UBR4: variants seen among roughly 807,000 people sequenced by gnomAD.
The protein encoded by UBR4 is E3 ubiquitin-protein ligase UBR4.
Under a neutral mutation model 575.6 loss-of-function variants are expected in UBR4, and 124 were observed. The observed-to-expected ratio is 0.22, with a 90% CI of 0.19 to 0.25. UBR4 has a LOEUF of 0.25. Ranked by LOEUF, UBR4 falls within the 10% of genes least tolerant of loss-of-function variation. UBR4 has a pLI of 1.00. For synonymous variants in UBR4, 2,455 were observed against 2,473.7 expected (o/e 0.99, Z 0.22); for missense variants, 4,818 against 6,478.8 (o/e 0.74, Z 8.80).
At position 19,140,903 on chromosome 1, in the gene UBR4, A is replaced by G. The variant is rs2083832111; in HGVS notation, c.8489-11T>C. On this transcript the variant is annotated splice_polypyrimidine_tract_variant and intron_variant, in intron 57 of 105. Coordinates refer to ENST00000375254, the MANE Select transcript of UBR4 (RefSeq NM_020765.3). ...CACTGCTGCTGCTGCCTGGGAAACAAGTGGAGAGTGAGCACAACATCCCCT... is the reference window on the plus strand; with the variant it reads ...CACTGCTGCTGCTGCCTGGGAAACAGGTGGAGAGTGAGCACAACATCCCCT... 1 of 1,599,136 alleles carries G rather than the reference A, an allele frequency of 6.3e-7. No individual in the cohort carries two copies. Among genetic ancestry groups the G allele is most frequent in the East Asian group, 2.2e-5 (1 of 44,484 alleles).
chr1:19,148,498 C>T (rs746905231), intron 50 of UBR4, 65 bp downstream of exon 50: 43 of 1,596,198 alleles, frequency 2.7e-5, no homozygotes, highest in African/African-American at 4.0e-5. Flanking sequence ...CTCAGGGCCT[C>T]GGGCAACTCC....
At chr1:19,144,255 G>C (rs2296109) in intron 54 of UBR4, among the ~76,000 whole-genome samples, 164 bp from the exon 55 acceptor site, 99,116 of 152,072 alleles carry the variant, frequency 0.65, 33,144 homozygotes, top group East Asian at 0.8. Flanking sequence ...GTTAATCCCC[G>C]CTTCCTGTTC....
intron 93 of UBR4, 152 bp from the exon 94 acceptor site, chr1:19,095,177 C>G: frequency 3.3e-6 from 4 of 1,218,316 alleles, no homozygotes; most frequent in Non-Finnish European, 3.4e-6. Context: ...TATGCATGTT[C>G]TGAGAGGGAG....
intron 103 of UBR4, 142 bp from the exon 104 acceptor site, chr1:19,078,208 A>G: frequency 1.2e-6 from 1 of 810,414 alleles, no homozygotes. Context: ...CTGCTTGGAA[A>G]AAAGCAGCTG....
At chr1:19,170,737 C>T in intron 26 of UBR4, 25 bp downstream of exon 26, 1 of 1,614,114 alleles carries the variant, frequency 6.2e-7, no homozygotes, top group African/African-American at 1.3e-5. Flanking sequence ...AATAATATTA[C>T]TCAAAAGCAC....
chr1:19,086,316 T>C (rs756066212), intron 100 of UBR4, 46 bp from the exon 101 acceptor site: 2 of 915,670 alleles, frequency 2.2e-6, no homozygotes, highest in Non-Finnish European at 2.9e-6. Flanking sequence ...GGCATTAACG[T>C]GGCAACCAGG....
chr1:19,206,551 G>T (rs892946703), intron 1 of UBR4, among the ~76,000 whole-genome samples: 5 of 152,090 alleles, frequency 3.3e-5, no homozygotes, highest in Non-Finnish European at 7.3e-5. Flanking sequence ...AGCCAGGCTG[G>T]TCTCAAACTC....
chr1:19,084,916 C>T (rs2313506), intron 101 of UBR4, among the ~76,000 whole-genome samples: 12,838 of 152,156 alleles, frequency 0.084, 649 homozygotes, highest in Non-Finnish European at 0.12. Context: ...ACGTGACACT[C>T]GCCAAGTTTT....
chr1:19,120,492 T>G, intron 68 of UBR4, 144 bp from the exon 69 acceptor site: 1 of 1,051,528 alleles, frequency 9.5e-7, no homozygotes. Flanking sequence ...GCAAAACAAT[T>G]TTTAGTTGTT....
At chr1:19,083,720 G>C (rs888640135) in intron 102 of UBR4, among the ~76,000 whole-genome samples, 3 of 152,106 alleles carry the variant, frequency 2.0e-5, no homozygotes, top group Non-Finnish European at 4.4e-5. Flanking sequence ...TTTTCATTAA[G>C]ACAGAGTCTT....
chr1:19,078,224 A>C, intron 103 of UBR4, 158 bp from the exon 104 acceptor site: 1 of 673,362 alleles, frequency 1.5e-6, no homozygotes, highest in Non-Finnish European at 2.5e-6. Context: ...AGCTGTGGGC[A>C]AGAACCTCTG....
chr1:19,161,452 G>T, intron 37 of UBR4, 137 bp downstream of exon 37: 1 of 1,211,110 alleles, frequency 8.3e-7, no homozygotes, highest in Non-Finnish European at 1.2e-6. Flanking sequence ...CCACAACTGT[G>T]CAGATCATCG....
intron 63 of UBR4, 94 bp downstream of exon 63, chr1:19,127,529 T>G (rs1435868718): frequency 1.1e-6 from 1 of 935,258 alleles, no homozygotes; most frequent in East Asian, 2.4e-5. Flanking sequence ...ATGGCTTTAT[T>G]CTTACAGAGG....
intron 92 of UBR4, among the ~76,000 whole-genome samples, 197 bp downstream of exon 92, chr1:19,096,326 G>C (rs976856461): frequency 6.6e-6 from 1 of 152,180 alleles, no homozygotes; most frequent in Non-Finnish European, 1.5e-5. Context: ...ATTGGAGAAG[G>C]GAAGTGGGCC....
intron 26 of UBR4, 151 bp downstream of exon 26, chr1:19,170,611 G>A: frequency 9.5e-7 from 1 of 1,055,250 alleles, no homozygotes. Flanking sequence ...TTATTGTGAA[G>A]ATCAAAATAG....
intron 50 of UBR4, among the ~76,000 whole-genome samples, 170 bp downstream of exon 50, chr1:19,148,393 C>T (rs541422028): frequency 2.0e-5 from 3 of 152,250 alleles, no homozygotes; most frequent in African/African-American, 7.2e-5. Context: ...ACTATGGGCC[C>T]GAAAAGTAGG....
intron 85 of UBR4, 102 bp from the exon 86 acceptor site, chr1:19,104,768 T>C (rs2079009246): frequency 4.7e-6 from 6 of 1,276,090 alleles, no homozygotes; most frequent in Non-Finnish European, 6.7e-6. Flanking sequence ...ACTCTGTAGT[T>C]ACATCTTCTT....
intron 74 of UBR4, among the ~76,000 whole-genome samples, 169 bp downstream of exon 74, chr1:19,115,229 A>T (rs1041208717): frequency 1.3e-5 from 2 of 150,206 alleles, no homozygotes; most frequent in Admixed American, 1.3e-4. Flanking sequence ...ACACTCACTC[A>T]CTCTCTCTTC....
Position 19,115,697 on chromosome 1 carries a change from T to C in UBR4, c.10824-60A>G, listed in dbSNP as rs2080436255. On this transcript the variant is annotated intron_variant, in intron 73 of 105. Coordinates refer to ENST00000375254, the MANE Select transcript of UBR4 (RefSeq NM_020765.3). ...CTAACCCTCAGTGATAACAGTCTGA[T>C]GAGACAAAGAGGAAGACTGTCCCAT... 6 of 1,592,722 alleles carry C rather than the reference T, an allele frequency of 3.8e-6. No homozygotes were observed. The South Asian group carries it at 4.5e-5, about 12-fold the overall frequency.
Sources: allele counts gnomAD v4.1 joint callset (sites outside exome capture counted in the v4.1 genomes callset), GRCh38; gene constraint gnomAD v4.1.1; transcripts MANE v1.5; gene names NCBI Gene and HGNC (gene_info 2026-07-23, HGNC 2026-07-21).